COL19A1: variants seen among roughly 807,000 people sequenced by gnomAD.
COL19A1 encodes the protein collagen alpha-1(XIX) chain.
COL19A1 carries 159 observed loss-of-function variants against 190.2 expected under a neutral mutation model. The ratio of observed to expected loss-of-function variants is 0.84; its 90% CI spans 0.73 to 0.95. The LOEUF (loss-of-function observed/expected upper bound fraction) is 0.95, where lower values mean the gene tolerates loss of function less well. COL19A1 is among the 40% of genes least tolerant of loss of function. COL19A1 has a pLI of 0.00. For synonymous variants in COL19A1, 509 were observed against 458.9 expected (o/e 1.11, Z -1.39); for missense variants, 1,418 against 1,431.9 (o/e 0.99, Z 0.16).
At chr6:70,200,248 T>G (rs1767467082) in intron 49 of COL19A1, among the ~76,000 whole-genome samples, 1 of 152,214 alleles carries the variant, frequency 6.6e-6, no homozygotes, top group Non-Finnish European at 1.5e-5. Context: ...AACTTGAATG[T>G]TAAAGAATTT....
chr6:70,142,515 C>T (rs1786323409), intron 22 of COL19A1, among the ~76,000 whole-genome samples: 2 of 152,132 alleles, frequency 1.3e-5, no homozygotes, highest in African/African-American at 4.8e-5. Flanking sequence ...GGTGTACTCC[C>T]AGACAATGGG....
chr6:70,137,561 C>A, intron 18 of COL19A1, 124 bp from the exon 19 acceptor site: 1 of 838,588 alleles, frequency 1.2e-6, no homozygotes, highest in Non-Finnish European at 1.9e-6. Context: ...TTTGCATTGT[C>A]TGTTGGATGC....
chr6:70,085,387 T>C (rs1259219554), intron 15 of COL19A1, among the ~76,000 whole-genome samples: 1 of 152,182 alleles, frequency 6.6e-6, no homozygotes, highest in African/African-American at 2.4e-5. Flanking sequence ...TTAAGCCAGT[T>C]AGCACTGTCC....
At chr6:69,999,890 T>C (rs1777148709) in intron 11 of COL19A1, among the ~76,000 whole-genome samples, 1 of 152,212 alleles carries the variant, frequency 6.6e-6, no homozygotes, top group Non-Finnish European at 1.5e-5. Context: ...AAATTTATTT[T>C]TAAGTTTTAC....
At chr6:70,176,426 CT>C in intron 41 of COL19A1, 93 bp from the exon 42 acceptor site, 2 of 1,336,444 alleles carry the variant, frequency 1.5e-6, no homozygotes, top group Non-Finnish European at 2.1e-6. Context: ...CAAAGGAAAG[CT>C]TTACCAAATC....
chr6:70,024,570 T>C (rs993251761), intron 12 of COL19A1, among the ~76,000 whole-genome samples: 1 of 147,948 alleles, frequency 6.8e-6, no homozygotes, highest in African/African-American at 2.5e-5. Flanking sequence ...CTTTCCGGCC[T>C]GTGGAGAAAG....
intron 23 of COL19A1, among the ~76,000 whole-genome samples, 172 bp downstream of exon 23, chr6:70,142,992 G>A (rs1472255126): frequency 6.6e-6 from 1 of 152,098 alleles, no homozygotes; most frequent in African/African-American, 2.4e-5. Flanking sequence ...GGGAAGACTA[G>A]ACCCTTCATA....
At chr6:69,970,475 T>G (rs1482710151) in intron 11 of COL19A1, among the ~76,000 whole-genome samples, 1 of 152,192 alleles carries the variant, frequency 6.6e-6, no homozygotes, top group Non-Finnish European at 1.5e-5. Context: ...CTTATTAACT[T>G]TATCTAAACT....
intron 11 of COL19A1, among the ~76,000 whole-genome samples, chr6:69,976,800 A>C (rs1775737419): frequency 6.6e-6 from 1 of 152,212 alleles, no homozygotes; most frequent in African/African-American, 2.4e-5. Context: ...TCATAGTTTC[A>C]GGCAAAACAC....
chr6:70,004,982 G>A (rs1366154292), intron 11 of COL19A1, among the ~76,000 whole-genome samples: 1 of 151,962 alleles, frequency 6.6e-6, no homozygotes, highest in Non-Finnish European at 1.5e-5. Context: ...ACAGGTGCCT[G>A]CCACCACACC....
intron 9 of COL19A1, among the ~76,000 whole-genome samples, chr6:69,951,870 G>T (rs1263004787): frequency 1.3e-5 from 2 of 151,774 alleles, no homozygotes; most frequent in African/African-American, 2.4e-5. Flanking sequence ...GTAGAGTCAG[G>T]ATTTGAACCT....
At chr6:69,948,501 T>G (rs551546648) in intron 9 of COL19A1, among the ~76,000 whole-genome samples, 1 of 151,922 alleles carries the variant, frequency 6.6e-6, no homozygotes, top group East Asian at 1.9e-4. Context: ...GTCCACAGAC[T>G]GACAATATAA....
intron 26 of COL19A1, 37 bp downstream of exon 26, chr6:70,146,740 T>C: frequency 6.3e-7 from 1 of 1,595,628 alleles, no homozygotes; most frequent in Non-Finnish European, 8.5e-7. Context: ...AAGGAATGAA[T>C]AATTAACAAA....
intron 40 of COL19A1, among the ~76,000 whole-genome samples, chr6:70,169,350 G>A (rs1562239985): frequency 6.6e-6 from 1 of 151,946 alleles, no homozygotes; most frequent in Non-Finnish European, 1.5e-5. Context: ...TATCCTTCAT[G>A]TTTCATTTGT....
Position 70,199,629 on chromosome 6 carries a change from C to A in COL19A1, c.3116C>A (p.Ser1039Tyr). 2 of 1,601,986 alleles carry A rather than the reference C, an allele frequency of 1.2e-6. No individual in the cohort carries two copies. The highest frequency in any genetic ancestry group is 1.1e-5 in the South Asian group (1 of 88,912). The change falls in exon 49 of 51, where the codon TCC becomes TAC. Residue 1039 changes from serine (S) to tyrosine (Y), a missense_variant. Physicochemically the swap from Ser to Tyr is moderately radical, Grantham distance 144 (BLOSUM62 -2). Coordinates refer to ENST00000620364, the MANE Select transcript of COL19A1 (RefSeq NM_001858.6). ...IFEERMAVFLSQLKLPAAMLA... is the reference protein window; with the variant it reads ...IFEERMAVFLYQLKLPAAMLA... Reference sequence around the variant, plus strand: ...GAAGAGAGGATGGCTGTATTCCTATCCCAGCTCAAGCTGCCAGCAGCAATG... The same window carrying A: ...GAAGAGAGGATGGCTGTATTCCTATACCAGCTCAAGCTGCCAGCAGCAATG...
chr6:69,987,373 T>C (rs1776368783), intron 11 of COL19A1, among the ~76,000 whole-genome samples: 1 of 152,232 alleles, frequency 6.6e-6, no homozygotes, highest in African/African-American at 2.4e-5. Flanking sequence ...AACATTATCC[T>C]CTTGACTCAG....
intron 12 of COL19A1, among the ~76,000 whole-genome samples, chr6:70,031,303 G>A (rs1043475932): frequency 1.3e-5 from 2 of 151,826 alleles, no homozygotes; most frequent in Non-Finnish European, 1.5e-5. Context: ...ATAATACATA[G>A]TGATCAAATC....
intron 4 of COL19A1, among the ~76,000 whole-genome samples, chr6:69,905,028 CA>C (rs1314259973): frequency 6.6e-6 from 1 of 152,148 alleles, no homozygotes; most frequent in Non-Finnish European, 1.5e-5. Context: ...CACTGCCTCC[CA>C]CATTTCCATT....
chr6:70,096,582 G>GA (rs1339646825), intron 15 of COL19A1, among the ~76,000 whole-genome samples: 1 of 152,082 alleles, frequency 6.6e-6, no homozygotes, highest in Non-Finnish European at 1.5e-5. Flanking sequence ...TTCTATAAGA[G>GA]AAAAAATGGG....
Sources: allele counts gnomAD v4.1 joint callset (sites outside exome capture counted in the v4.1 genomes callset), GRCh38; gene constraint gnomAD v4.1.1; transcripts MANE v1.5; gene names NCBI Gene and HGNC (gene_info 2026-07-23, HGNC 2026-07-21).